Variants in RNF25 observed in about 807,000 individuals in gnomAD.
RNF25 encodes ring finger protein 25, also known as E3 ubiquitin-protein ligase RNF25.
A neutral mutation model predicts 65.0 loss-of-function variants in RNF25; 32 were observed. That is an observed-to-expected ratio of 0.49 (90% CI 0.37 to 0.66). The LOEUF is 0.66. RNF25 is among the 30% of genes least tolerant of loss of function. RNF25 has a pLI of 0.00. For synonymous variants in RNF25, 207 were observed against 221.2 expected, an observed-to-expected ratio of 0.94 and a Z score of 0.57; for missense variants, 493 against 584.8, an observed-to-expected ratio of 0.84 and a Z score of 1.62.
chr2:218,665,942 C>T lies in RNF25; in HGVS notation c.547G>A (p.Glu183Lys), dbSNP rs374342526. ...TGTTTGGTTGTAGCATGCTGCCGTT[C>T]CTGTTCCTGCTCCTGTCCTTGTGCC... is the stretch of plus-strand genomic sequence containing the variant. ...LKAQGQEQEQERQHATTKQKA... is the reference protein window; with the variant it reads ...LKAQGQEQEQKRQHATTKQKA... The change falls in exon 7 of 10, where the codon GAA (glutamate) becomes AAA (lysine). Residue 183 changes from glutamate to lysine, a missense_variant. Transcript: ENST00000295704. 1 of 1,613,888 alleles carries T rather than the reference C, an allele frequency of 6.2e-7. No homozygotes were observed. The highest frequency in any genetic ancestry group is 1.3e-5 in the African/African-American group (1 of 74,892).
In RNF25 at chr2:218,668,537, C is replaced by A. The variant is rs988969271; in HGVS notation, c.116+68G>T. 5 of 1,213,966 alleles carry A rather than the reference C, an allele frequency of 4.1e-6. No individual in the cohort carries two copies. The African/African-American group carries it at 7.6e-5, about 18-fold the overall frequency. 75.2% of individuals were successfully genotyped at this position (1,213,966 alleles called of 1,614,324 possible). A position where few individuals can be genotyped will look rare whatever the true frequency, so the allele number is the denominator to read the frequency against. ...ATCAAGGCTCACAATGTCTTAAGAC[C>A]CAAATTCAGCATAGAACCTCTCCTC... On this transcript the variant is annotated intron_variant, in intron 2 of 9. Transcript: ENST00000295704.
chr2:218,666,399 CCTT>C (rs2106336294), intron 5 of RNF25, among the ~76,000 whole-genome samples, 169 bp from the exon 6 acceptor site: 1 of 152,320 alleles, frequency 6.6e-6, no homozygotes, highest in East Asian at 1.9e-4. Flanking sequence ...GGGAATCAAT[CCTT>C]CTCCACATCT....
At chr2:218,671,734 C>T (rs961351017) in intron 1 of RNF25, among the ~76,000 whole-genome samples, 196 bp downstream of exon 1, 2 of 152,310 alleles carry the variant, frequency 1.3e-5, no homozygotes, top group South Asian at 4.1e-4. Flanking sequence ...GGCGCCGACC[C>T]GTTCTCCTCT....
rs1412336656 is a variant in RNF25 at position 218,669,891 on chromosome 2, TGTCTCCATGGCTC to T, written c.42-1225_42-1213del. Among the ~76,000 whole-genome samples the T allele has an allele frequency of 8.9e-4, 135 of 152,324 alleles. 1 individual carries two copies. Among genetic ancestry groups the T allele is most frequent in the African/African-American group, 2.4e-3 (100 of 41,588 alleles). On this transcript the variant is annotated intron_variant, in intron 1 of 9. Coordinates refer to ENST00000295704, the MANE Select transcript of RNF25 (RefSeq NM_022453.3). ...TACAGGCTGCTGCACTCATTGTTGC[TGTCTCCATGGCTC>T]AAGGTGTCTCCCCTGAATCTTAAAA...
In RNF25 at chr2:218,665,140, A is replaced by G; in HGVS notation, c.666+15T>C. 6.2e-7 allele frequency: 1 copy of G among 1,612,766 alleles called. No individual in the cohort carries two copies. Among genetic ancestry groups the G allele is most frequent in the Non-Finnish European group, 8.5e-7 (1 of 1,178,718 alleles). The stretch of plus-strand genomic sequence containing the variant: ...ACCATTACTCCTGGCTCAGATTGGA[A>G]AAAAGTCTCCTTACCATGGGCTGTT... On this transcript the variant is annotated intron_variant, in intron 8 of 9. Coordinates refer to ENST00000295704, the MANE Select transcript of RNF25 (RefSeq NM_022453.3).
intron 5 of RNF25, among the ~76,000 whole-genome samples, chr2:218,666,523 A>G (rs1939828856): frequency 1.3e-5 from 2 of 152,186 alleles, no homozygotes; most frequent in Non-Finnish European, 2.9e-5. Context: ...ATACACCTTG[A>G]GAAAAAAAAT....
chr2:218,669,602 A>C (rs1413002984), intron 1 of RNF25, among the ~76,000 whole-genome samples: 1 of 152,170 alleles, frequency 6.6e-6, no homozygotes, highest in East Asian at 1.9e-4. Context: ...ACACATACTT[A>C]AGCATAGAAA....
chr2:218,664,921 ACTCAAACCTCTACTCCTCCCAGGCTGC>A lies in RNF25; in HGVS notation c.667-75_667-49del. The A allele has an allele frequency of 2.5e-6, 4 of 1,610,294 alleles. No homozygotes were observed. The highest frequency in any genetic ancestry group is 1.1e-5 in the South Asian group (1 of 90,602). ...GGAAATAATGAACAGCAGAAGGCTG[ACTCAAACCTCTACTCCTCCCAGGCTGC>A]CTCAGGAGATCTGCACTGGTTTTGC... is the stretch of plus-strand genomic sequence containing the variant. On this transcript the variant is annotated intron_variant, in intron 8 of 9. Coordinates refer to ENST00000295704, the MANE Select transcript of RNF25 (RefSeq NM_022453.3). This position sits in a 1 kb window ranked among gnomAD's most constrained non-coding sequence, Gnocchi z 5.1.
intron 6 of RNF25, 47 bp downstream of exon 6, chr2:218,666,112 A>C (rs1939821374): frequency 6.2e-7 from 1 of 1,612,334 alleles, no homozygotes; most frequent in African/African-American, 1.3e-5. Flanking sequence ...CACAGCCCTC[A>C]TCTGCTGGTC....
rs761598782 is a variant in RNF25 at position 218,664,036 on chromosome 2, C to T, written c.1301G>A (p.Arg434His). 1.1e-5 allele frequency: 16 copies of T among 1,495,972 alleles called. No individual in the cohort carries two copies. Among genetic ancestry groups the T allele is most frequent in the East Asian group, 6.9e-5 (3 of 43,550 alleles). The allele number at this position is 1,495,972 out of a possible 1,614,324, so 92.7% of individuals were successfully genotyped here. The change falls in exon 10 of 10, where the codon CGC becomes CAC. Residue 434 changes from arginine (R) to histidine (H), a missense_variant. Coordinates refer to ENST00000295704, the MANE Select transcript of RNF25 (RefSeq NM_022453.3). This position sits in a 1 kb window ranked among gnomAD's most constrained non-coding sequence, Gnocchi z 5.1. Reference protein sequence around the residue: ...KGRTPGSSYPRLPRGQGAYRP... With the variant: ...KGRTPGSSYPHLPRGQGAYRP... ...GTATGCTCCCTGGCCCCGAGGCAGG[C>T]GAGGGTAGGAAGAACCGGGTGTCCG...
In RNF25 at chr2:218,664,138, T is replaced by G. The variant is rs1338429622; in HGVS notation, c.1199A>C (p.Glu400Ala). ...CCCCTGCCAGCTGCCAGGCCCCTTC[T>G]CTTGTGGAGGACCTTCAACTCCTTG... ...HSQGVEGPPQ[E>A]KGPGSWQGPP... The change falls in exon 10 of 10, where the codon GAG becomes GCG. Residue 400 changes from glutamate to alanine, a missense_variant. Around this residue, in one of 3 missense-constraint regions of RNF25, gnomAD observed 351 missense variants for 400.2 expected, o/e 0.88. Coordinates refer to ENST00000295704, the MANE Select transcript of RNF25 (RefSeq NM_022453.3). This position sits in a 1 kb window ranked among gnomAD's most constrained non-coding sequence, Gnocchi z 5.1. 6.5e-7 allele frequency: 1 copy of G among 1,529,702 alleles called. No individual in the cohort carries two copies. Among genetic ancestry groups the G allele is most frequent in the East Asian group, 2.3e-5 (1 of 44,214 alleles). The allele number at this position is 1,529,702 out of a possible 1,614,324, so 94.8% of individuals were successfully genotyped here. A position where few individuals can be genotyped will look rare whatever the true frequency, so the allele number is the denominator to read the frequency against.
chr2:218,664,474 C>T lies in RNF25; in HGVS notation c.863G>A (p.Ser288Asn). Reference protein sequence around the residue: ...VDVSKGSQPPSTLAAELSTSP... With the variant: ...VDVSKGSQPPNTLAAELSTSP... ...GGTGGATAGTTCTGCTGCAAGGGTG[C>T]TGGGTGGTTGGGATCCTTTGGAGAC... is the stretch of plus-strand genomic sequence containing the variant. The change falls in exon 10 of 10, where the codon AGC becomes AAC. Residue 288 changes from serine to asparagine, a missense_variant. Physicochemically the swap from Ser to Asn is conservative, Grantham distance 46. This residue lies in a region of RNF25 where 351 missense variants were observed against 400.2 expected (regional missense o/e 0.88). Transcript: ENST00000295704. This position sits in a 1 kb window ranked among gnomAD's most constrained non-coding sequence, Gnocchi z 5.1. 6.2e-7 allele frequency: 1 copy of T among 1,614,018 alleles called. No individual in the cohort carries two copies. Among genetic ancestry groups the T allele is most frequent in the Non-Finnish European group, 8.5e-7 (1 of 1,180,006 alleles).
chr2:218,664,987 G>C lies in RNF25; in HGVS notation c.667-114C>G. 1 of 1,505,938 alleles carries C rather than the reference G, an allele frequency of 6.6e-7. No individual in the cohort carries two copies. Among genetic ancestry groups the C allele is most frequent in the East Asian group, 2.4e-5 (1 of 41,688 alleles). The allele number at this position is 1,505,938 out of a possible 1,614,324, so 93.3% of individuals were successfully genotyped here. ...CACTGGTTTTGCCCCTCAGGTCTGG[G>C]CTCCCAGAGTCTTAGGCTCCCGCCA... is the stretch of plus-strand genomic sequence containing the variant. On this transcript the variant is annotated intron_variant, in intron 8 of 9. Coordinates refer to ENST00000295704, the MANE Select transcript of RNF25 (RefSeq NM_022453.3). The surrounding 1 kb of genome is among the most constrained non-coding windows in gnomAD (Gnocchi z 5.1).
chr2:218,668,020 T>A (rs751423412), intron 4 of RNF25, 39 bp from the exon 5 acceptor site: 1 of 1,613,044 alleles, frequency 6.2e-7, no homozygotes, highest in Admixed American at 1.7e-5. Flanking sequence ...GACCTGCCCA[T>A]TTCTGTCACC....
intron 1 of RNF25, 32 bp downstream of exon 1, chr2:218,671,898 C>G (rs879053541): frequency 6.2e-7 from 1 of 1,613,810 alleles, no homozygotes; most frequent in East Asian, 2.2e-5. Context: ...TAGATCCAGG[C>G]TGTCAGCCAA....
At position 218,668,605 on chromosome 2, in the gene RNF25, C is replaced by T. The variant is rs1231250415; in HGVS notation, c.116G>A (p.Arg39Lys). ...DELQVIKGNGRTSPWEIYITL... is the reference protein window; with the variant it reads ...DELQVIKGNGKTSPWEIYITL... ...TGCCCACCACTGGTTGAATACATAC[C>T]TGCCATTTCCTTTAATCACCTGTAG... The change falls in exon 2 of 10, where the codon AGA becomes AAA. Residue 39 changes from arginine to lysine, a missense_variant and splice_region_variant. Coordinates refer to ENST00000295704, the MANE Select transcript of RNF25 (RefSeq NM_022453.3). The T allele has an allele frequency of 6.2e-7, 1 of 1,605,080 alleles. No homozygotes were observed. The highest frequency in any genetic ancestry group is 1.7e-4 in the Middle Eastern group (1 of 6,052).
intron 1 of RNF25, among the ~76,000 whole-genome samples, chr2:218,671,071 G>T (rs1011680869): frequency 1.3e-5 from 2 of 152,176 alleles, no homozygotes; most frequent in Non-Finnish European, 2.9e-5. Flanking sequence ...TACTCGGAAG[G>T]CTGAGGCAGA....
Position 218,664,347 on chromosome 2 carries a change from G to C in RNF25, c.990C>G (p.Gly330=). 6.2e-7 allele frequency: 1 copy of C among 1,614,168 alleles called. No individual in the cohort carries two copies. The highest frequency in any genetic ancestry group is 1.6e-4 in the Middle Eastern group (1 of 6,062). The change falls in exon 10 of 10, where the codon GGC becomes GGG. Residue 330 remains glycine (G), a synonymous_variant. Transcript: ENST00000295704. The surrounding 1 kb of genome is among the most constrained non-coding windows in gnomAD (Gnocchi z 5.1). ...PGTRSNQQRL[G]ETQKAMLDPP... ...GATCTAGCATAGCTTTCTGGGTTTCGCCCAACCTTTGCTGATTTGACCTGG... is the reference window on the plus strand; with the variant it reads ...GATCTAGCATAGCTTTCTGGGTTTCCCCCAACCTTTGCTGATTTGACCTGG...
chr2:218,665,132 A>C (rs1012119087), intron 8 of RNF25, 23 bp downstream of exon 8: 8 of 1,606,634 alleles, frequency 5.0e-6, no homozygotes, highest in Non-Finnish European at 6.8e-6. Flanking sequence ...CTCCTGGCTC[A>C]GATTGGAAAA....
Sources: allele counts gnomAD v4.1 joint callset (sites outside exome capture counted in the v4.1 genomes callset), GRCh38; gene constraint gnomAD v4.1.1; regional missense constraint gnomAD v4.1.1; non-coding constraint Gnocchi (gnomAD v3.1); transcripts MANE v1.5; gene names NCBI Gene and HGNC (gene_info 2026-07-23, HGNC 2026-07-21).